Variants in ATP13A4 observed in about 807,000 individuals in gnomAD.
ATP13A4 encodes probable cation-transporting ATPase 13A4.
Under a neutral mutation model 142.5 loss-of-function variants are expected in ATP13A4, and 114 were observed. That is an observed-to-expected ratio of 0.80 (90% CI 0.69 to 0.93). The LOEUF (loss-of-function observed/expected upper bound fraction) is 0.93, where lower values mean the gene tolerates loss of function less well. Among genes scored for constraint, ATP13A4 ranks in the 40% least tolerant of loss-of-function variants. The pLI, the probability that ATP13A4 is intolerant of heterozygous loss-of-function variation, is 0.00. For synonymous variants in ATP13A4, 488 were observed against 514.8 expected, an observed-to-expected ratio of 0.95 and a Z score of 0.70; for missense variants, 1,392 against 1,454.0, an observed-to-expected ratio of 0.96 and a Z score of 0.69.
chr3:193,459,072 G>A lies in ATP13A4; in HGVS notation c.1674+9C>T. On this transcript the variant is annotated intron_variant, in intron 14 of 29. Coordinates refer to ENST00000342695, the MANE Select transcript of ATP13A4 (RefSeq NM_032279.4). Reference sequence around the variant, plus strand: ...AGCTTCTCAGATTCTCTGAAGAGCAGAGGCTTACCCAGGTGGTGGCTTCAA... The same window carrying A: ...AGCTTCTCAGATTCTCTGAAGAGCAAAGGCTTACCCAGGTGGTGGCTTCAA... 6.2e-7 allele frequency: 1 copy of A among 1,614,228 alleles called. No individual in the cohort carries two copies. Among genetic ancestry groups the A allele is most frequent in the Non-Finnish European group, 8.5e-7 (1 of 1,180,016 alleles).
chr3:193,413,798 G>A (rs967155344), intron 26 of ATP13A4, among the ~76,000 whole-genome samples: 6 of 152,182 alleles, frequency 3.9e-5, no homozygotes, highest in Non-Finnish European at 5.9e-5. Flanking sequence ...TGTTTATCAA[G>A]ACAATATATG....
At chr3:193,436,021 G>T (rs1170820990) in intron 23 of ATP13A4, among the ~76,000 whole-genome samples, 3 of 152,180 alleles carry the variant, frequency 2.0e-5, no homozygotes, top group Non-Finnish European at 2.9e-5. Context: ...AGCAGGCATT[G>T]TTTTAGCTCC....
At chr3:193,515,637 C>T (rs575292674) in intron 1 of ATP13A4, among the ~76,000 whole-genome samples, 50 of 152,140 alleles carry the variant, frequency 3.3e-4, no homozygotes, top group Admixed American at 7.9e-4. Context: ...TTATTAGACC[C>T]CAGAGGATAC....
chr3:193,482,133 G>C (rs9836525), intron 8 of ATP13A4, among the ~76,000 whole-genome samples: 71,306 of 151,894 alleles, frequency 0.47, 16,812 homozygotes, highest in African/African-American at 0.54. Context: ...TCAAGAGATA[G>C]ATCCACCTAT....
chr3:193,540,463 A>T (rs904113735), intron 1 of ATP13A4, among the ~76,000 whole-genome samples: 1 of 149,166 alleles, frequency 6.7e-6, no homozygotes, highest in East Asian at 2.0e-4. Flanking sequence ...ATTAAAAGTC[A>T]AACTGGCCTC....
At chr3:193,538,691 T>C (rs996912847) in intron 1 of ATP13A4, among the ~76,000 whole-genome samples, 1 of 151,708 alleles carries the variant, frequency 6.6e-6, no homozygotes, top group Admixed American at 6.6e-5. Flanking sequence ...AGGTTAATAA[T>C]AATAATAACA....
At chr3:193,590,617 T>C (rs1338731381) in intron 1 of ATP13A4, among the ~76,000 whole-genome samples, 1 of 152,170 alleles carries the variant, frequency 6.6e-6, no homozygotes, top group Non-Finnish European at 1.5e-5. Context: ...GAAGGGACTA[T>C]TATAATCCTT....
At chr3:193,490,904 C>T (rs1719907432) in intron 6 of ATP13A4, among the ~76,000 whole-genome samples, 1 of 151,996 alleles carries the variant, frequency 6.6e-6, no homozygotes, top group South Asian at 2.1e-4. Context: ...TCATCTTATA[C>T]CTTGAGATCA....
chr3:193,462,984 T>TA lies in ATP13A4; in HGVS notation c.1462-162dup, dbSNP rs113344721. Reference sequence around the variant, plus strand: ...ACATAATGAAACCACCTCCCTATTTTAAAAAAAAAAAAATCCAGTGGCCCC... The same window carrying TA: ...ACATAATGAAACCACCTCCCTATTTTAAAAAAAAAAAAAATCCAGTGGCCCC... On this transcript the variant is annotated intron_variant, in intron 12 of 29. Coordinates refer to ENST00000342695, the MANE Select transcript of ATP13A4 (RefSeq NM_032279.4). Among the ~76,000 whole-genome samples, 322 of 148,102 alleles carry TA rather than the reference T, an allele frequency of 2.2e-3. 2 individuals carry two copies. The highest frequency in any genetic ancestry group is 7.1e-3 in the African/African-American group (287 of 40,470).
intron 26 of ATP13A4, 43 bp from the exon 27 acceptor site, chr3:193,412,414 G>A (rs1219871597): frequency 1.9e-6 from 3 of 1,568,130 alleles, no homozygotes; most frequent in Non-Finnish European, 1.8e-6. Context: ...AAGATTGCAA[G>A]GCTTTATGGA....
chr3:193,556,509 G>GTATATA (rs201707271), upstream of ATP13A4, among the ~76,000 whole-genome samples: 110 of 151,366 alleles, frequency 7.3e-4, 1 homozygote, highest in African/African-American at 2.5e-3. Context: ...GTGTGTGTGT[G>GTATATA]TATATATATA....
chr3:193,542,368 A>T (rs1311332555), intron 1 of ATP13A4, among the ~76,000 whole-genome samples: 1 of 152,224 alleles, frequency 6.6e-6, no homozygotes, highest in Non-Finnish European at 1.5e-5. Flanking sequence ...GAATAGGAAG[A>T]ATCAATATCA....
chr3:193,470,584 G>A (rs1247565131), intron 9 of ATP13A4, among the ~76,000 whole-genome samples: 1 of 152,174 alleles, frequency 6.6e-6, no homozygotes, highest in East Asian at 1.9e-4. Flanking sequence ...GTAAATGAGA[G>A]GGTTGTAATA....
At chr3:193,438,400 T>C in intron 23 of ATP13A4, 75 bp downstream of exon 23, 3 of 1,274,310 alleles carry the variant, frequency 2.4e-6, no homozygotes, top group Non-Finnish European at 3.4e-6. Context: ...TCTCTAGTCT[T>C]TCCCAGGCAG....
At chr3:193,457,309 A>C (rs530751262) in intron 15 of ATP13A4, 70 bp downstream of exon 15, 1 of 1,592,874 alleles carries the variant, frequency 6.3e-7, no homozygotes, top group South Asian at 1.1e-5. Context: ...GTGACCTTTC[A>C]AAAACTGGGG....
intron 1 of ATP13A4, among the ~76,000 whole-genome samples, chr3:193,518,251 C>G (rs1721533908): frequency 1.3e-5 from 2 of 152,202 alleles, no homozygotes; most frequent in Non-Finnish European, 2.9e-5. Flanking sequence ...GGTGTGTCCA[C>G]ACAATGAGAT....
intron 1 of ATP13A4, among the ~76,000 whole-genome samples, chr3:193,518,248 C>T (rs569446311): frequency 1.3e-5 from 2 of 152,210 alleles, no homozygotes; most frequent in African/African-American, 4.8e-5. Flanking sequence ...TGTGGTGTGT[C>T]CACACAATGA....
intron 16 of ATP13A4, among the ~76,000 whole-genome samples, chr3:193,454,890 G>T (rs1210604412): frequency 2.0e-5 from 3 of 152,136 alleles, no homozygotes; most frequent in Non-Finnish European, 4.4e-5. Context: ...AAGAGCTTCT[G>T]CACAGCAAAA....
At chr3:193,402,973 T>A in intron 29 of ATP13A4, 109 bp from the exon 30 acceptor site, 1 of 1,011,228 alleles carries the variant, frequency 9.9e-7, no homozygotes, top group Non-Finnish European at 1.5e-6. Flanking sequence ...TAGATCCAGC[T>A]TGACAAAGAG....
Sources: allele counts gnomAD v4.1 joint callset (sites outside exome capture counted in the v4.1 genomes callset), GRCh38; gene constraint gnomAD v4.1.1; transcripts MANE v1.5; gene names NCBI Gene and HGNC (gene_info 2026-07-23, HGNC 2026-07-21).